The following CSMD1 variants were observed in gnomAD, a reference collection of about 807,000 sequenced individuals.
The protein encoded by CSMD1 is CUB and Sushi multiple domains 1, also known as CUB and sushi domain-containing protein 1.
In CSMD1, 213 loss-of-function variants were observed where a neutral mutation model predicts 417.5. The ratio of observed to expected loss-of-function variants is 0.51; its 90% CI spans 0.46 to 0.57. The LOEUF (loss-of-function observed/expected upper bound fraction) is 0.57. Among genes scored for constraint, CSMD1 ranks in the 20% least tolerant of loss-of-function variants. The probability of loss-of-function intolerance (pLI) is 0.00; values close to 1 mark genes in which losing one functional copy is unlikely to be tolerated. For synonymous variants in CSMD1, 2,862 were observed against 1,736.8 expected (o/e 1.65, Z -16.11); for missense variants, 6,923 against 4,529.7 (o/e 1.53, Z -15.17).
chr8:4,399,799 G>T (rs570231279), intron 3 of CSMD1, among the ~76,000 whole-genome samples: 115 of 152,306 alleles, frequency 7.6e-4, no homozygotes, highest in South Asian at 1.5e-3. Flanking sequence ...AGATGCATCT[G>T]CTTTTAGGAA....
intron 2 of CSMD1, among the ~76,000 whole-genome samples, chr8:4,595,387 C>CTTTTTTTTTTTTTTCTTT: frequency 6.8e-6 from 1 of 147,340 alleles, no homozygotes; most frequent in African/African-American, 2.5e-5. Flanking sequence ...CATTCATTTT[C>CTTTTTTTTTTTTTTCTTT]ATTCCATCCA....
intron 5 of CSMD1, among the ~76,000 whole-genome samples, chr8:3,985,606 A>C (rs1814262902): frequency 6.6e-6 from 1 of 152,196 alleles, no homozygotes; most frequent in African/African-American, 2.4e-5. Context: ...GCCACCTTCT[A>C]GTACAGGAAG....
At chr8:4,752,000 A>G (rs1811364040) in intron 1 of CSMD1, among the ~76,000 whole-genome samples, 1 of 152,216 alleles carries the variant, frequency 6.6e-6, no homozygotes, top group African/African-American at 2.4e-5. Flanking sequence ...GCGTGTATAC[A>G]CAAAATACTG....
rs921762475 is a variant in CSMD1 at position 4,158,077 on chromosome 8, T to C, written c.416-125978A>G. 6.5e-5 allele frequency among the ~76,000 whole-genome samples: 9 copies of C among 138,790 alleles called. 1 individual carries two copies. The highest frequency in any genetic ancestry group is 2.1e-4 in the East Asian group (1 of 4,754). The allele number at this position is 138,790 out of a possible 152,430, so 91.1% of individuals were successfully genotyped here. Reference sequence around the variant, plus strand: ...CCCTACCCCTGCTTCCCCATTACAATACAAGAAAACCCTTTTTTTTTTTTT... The same window carrying C: ...CCCTACCCCTGCTTCCCCATTACAACACAAGAAAACCCTTTTTTTTTTTTT... On this transcript the variant is annotated intron_variant, in intron 3 of 69. Transcript: ENST00000635120.
intron 66 of CSMD1, 59 bp from the exon 67 acceptor site, chr8:2,950,402 A>C: frequency 1.0e-6 from 1 of 982,374 alleles, no homozygotes; most frequent in Non-Finnish European, 1.6e-6. Context: ...TCAGCCCTTT[A>C]ATCCATTTGA....
rs1804264129 is a variant in CSMD1, at chr8:4,656,839, A to G, written c.86-19281T>C. Among the ~76,000 whole-genome samples the G allele has an allele frequency of 2.0e-5, 3 of 152,056 alleles. No homozygotes were observed. The South Asian group carries it at 6.2e-4, about 32-fold the overall frequency. On this transcript the variant is annotated intron_variant, in intron 1 of 69. Coordinates refer to ENST00000635120, the MANE Select transcript of CSMD1 (RefSeq NM_033225.6). Reference sequence around the variant, plus strand: ...GAGAACCCTTCCCCAGAGAAACCACATTTACTAATGTGCAGAGACCACCAA... The same window carrying G: ...GAGAACCCTTCCCCAGAGAAACCACGTTTACTAATGTGCAGAGACCACCAA...
intron 2 of CSMD1, among the ~76,000 whole-genome samples, chr8:4,565,975 A>G (rs940713630): frequency 2.6e-5 from 4 of 151,726 alleles, no homozygotes; most frequent in Non-Finnish European, 5.9e-5. Flanking sequence ...AGTATAATCT[A>G]TATTTGGGTC....
At chr8:4,046,200 A>G (rs1798138663) in intron 3 of CSMD1, among the ~76,000 whole-genome samples, 1 of 152,152 alleles carries the variant, frequency 6.6e-6, no homozygotes, top group Non-Finnish European at 1.5e-5. Flanking sequence ...GTGTGTGTGT[A>G]GAAAATAATA....
At chr8:4,148,191 A>C (rs1796371540) in intron 3 of CSMD1, among the ~76,000 whole-genome samples, 1 of 152,092 alleles carries the variant, frequency 6.6e-6, no homozygotes, top group Non-Finnish European at 1.5e-5. Flanking sequence ...GACCACTATA[A>C]CTAACTGTAA....
At chr8:3,410,346 G>C (rs145253513) in intron 12 of CSMD1, among the ~76,000 whole-genome samples, 2 of 152,120 alleles carry the variant, frequency 1.3e-5, no homozygotes, top group East Asian at 1.9e-4. Flanking sequence ...CAAAATCCTC[G>C]CACACATGGG....
At chr8:4,325,594 G>C (rs1296101295) in intron 3 of CSMD1, among the ~76,000 whole-genome samples, 2 of 152,106 alleles carry the variant, frequency 1.3e-5, no homozygotes, top group African/African-American at 4.8e-5. Flanking sequence ...AATTATTATA[G>C]TAGGCAGGGC....
At chr8:4,973,710 A>C (rs1810377212) in intron 1 of CSMD1, among the ~76,000 whole-genome samples, 1 of 152,210 alleles carries the variant, frequency 6.6e-6, no homozygotes, top group Admixed American at 6.5e-5. Context: ...TTCAAGGCTT[A>C]TGTTGTGATA....
chr8:3,877,640 A>G (rs534229427), intron 5 of CSMD1, among the ~76,000 whole-genome samples: 63 of 152,086 alleles, frequency 4.1e-4, no homozygotes, highest in African/African-American at 1.4e-3. Context: ...TACTCCTTAC[A>G]GTAGAATGTC....
At chr8:3,603,524 T>G (rs1206455407) in intron 8 of CSMD1, among the ~76,000 whole-genome samples, 5 of 152,066 alleles carry the variant, frequency 3.3e-5, no homozygotes, top group Non-Finnish European at 1.5e-5. Flanking sequence ...AAAAATCACT[T>G]ACAGAAATGA....
chr8:4,158,059 C>T (rs1210328511), intron 3 of CSMD1, among the ~76,000 whole-genome samples: 3 of 151,744 alleles, frequency 2.0e-5, no homozygotes, highest in African/African-American at 7.3e-5. Flanking sequence ...TACCCCTACC[C>T]CTGCTTCCCC....
intron 8 of CSMD1, among the ~76,000 whole-genome samples, chr8:3,597,753 G>C (rs1801162012): frequency 6.6e-6 from 1 of 152,042 alleles, no homozygotes; most frequent in Non-Finnish European, 1.5e-5. Flanking sequence ...ACCAAACATT[G>C]CATGTTCTCA....
intron 55 of CSMD1, among the ~76,000 whole-genome samples, chr8:2,978,326 A>G (rs1805108100): frequency 6.6e-6 from 1 of 152,188 alleles, no homozygotes; most frequent in Non-Finnish European, 1.5e-5. Flanking sequence ...GCTGAAGGCA[A>G]GCCATGAGAA....
At chr8:3,378,808 C>T (rs1234067209) in intron 18 of CSMD1, among the ~76,000 whole-genome samples, 1 of 152,156 alleles carries the variant, frequency 6.6e-6, no homozygotes, top group African/African-American at 2.4e-5. Context: ...TGGGCAAAAG[C>T]TGGAAGCATT....
chr8:3,134,152 C>A (rs1037869109), intron 41 of CSMD1, among the ~76,000 whole-genome samples: 1 of 151,536 alleles, frequency 6.6e-6, no homozygotes, highest in East Asian at 1.9e-4. Flanking sequence ...AGCCTCTCGA[C>A]AGAGTGAGAC....
Sources: allele counts gnomAD v4.1 joint callset (sites outside exome capture counted in the v4.1 genomes callset), GRCh38; gene constraint gnomAD v4.1.1; transcripts MANE v1.5; gene names NCBI Gene and HGNC (gene_info 2026-07-23, HGNC 2026-07-21).